Variants in FGF12 observed in about 807,000 individuals in gnomAD.
The protein encoded by FGF12 is fibroblast growth factor 12, also known as fibroblast growth factor 12B.
FGF12 carries 14 observed loss-of-function variants against 23.6 expected under a neutral mutation model. The observed-to-expected ratio is 0.59, with a 90% CI of 0.39 to 0.93. The LOEUF is 0.93. Among genes scored for constraint, FGF12 ranks in the 40% least tolerant of loss-of-function variants. The pLI, the probability that FGF12 is intolerant of heterozygous loss-of-function variation, is 0.00. For synonymous variants in FGF12, 62 were observed against 77.3 expected (o/e 0.80, Z 1.04); for missense variants, 175 against 217.8 (o/e 0.80, Z 1.24).
At position 192,678,562 on chromosome 3, in the gene FGF12, C is replaced by T. The variant is rs6801404; in HGVS notation, c.13+48619G>A. 4.6e-3 allele frequency among the ~76,000 whole-genome samples: 704 copies of T among 152,292 alleles called. 5 individuals are homozygous for T. Among genetic ancestry groups the T allele is most frequent in the African/African-American group, 0.016 (663 of 41,566 alleles). On this transcript the variant is annotated intron_variant, in intron 2 of 5. Coordinates refer to ENST00000445105, the MANE Select transcript of FGF12 (RefSeq NM_004113.6). ...CCACTCAACTTTCTCAGTTTCTCAT[C>T]GATGACAATTTTTGCCTGGTAGTTG...
At position 192,269,425 on chromosome 3, in the gene FGF12, G is replaced by A. The variant is rs543679653; in HGVS notation, c.228+65936C>T. 9.2e-5 allele frequency among the ~76,000 whole-genome samples: 14 copies of A among 152,280 alleles called. No individual in the cohort carries two copies. The South Asian group carries it at 2.9e-3, about 32-fold the overall frequency. On this transcript the variant is annotated intron_variant, in intron 4 of 5. Coordinates refer to ENST00000445105, the MANE Select transcript of FGF12 (RefSeq NM_004113.6). ...ATCGTATACACAGTACTGGTTAAAT[G>A]TGAACTCTGCAGACAGACTCTCTAC...
intron 2 of FGF12, among the ~76,000 whole-genome samples, chr3:192,701,790 C>T (rs1238807444): frequency 6.6e-6 from 1 of 152,114 alleles, no homozygotes; most frequent in African/African-American, 2.4e-5. Context: ...AAGTATACAA[C>T]ATGATGTTTT....
At position 192,399,282 on chromosome 3, in the gene FGF12, T is replaced by C. The variant is rs1576949515; in HGVS notation, c.14-38744A>G. Among the ~76,000 whole-genome samples, 3 of 152,248 alleles carry C rather than the reference T, an allele frequency of 2.0e-5. No homozygotes were observed. The Middle Eastern group carries it at 0.01, about 518-fold the overall frequency. ...TCCTCATGAATGGGATTAGTGGTCT[T>C]ACAAAAGAGACCCCAGGGAGCTCCC... On this transcript the variant is annotated intron_variant, in intron 2 of 5. Transcript: ENST00000445105.
At chr3:192,649,169 T>C (rs1329259582) in intron 2 of FGF12, among the ~76,000 whole-genome samples, 2 of 152,164 alleles carry the variant, frequency 1.3e-5, no homozygotes, top group Admixed American at 1.3e-4. Flanking sequence ...ACTGATAGTG[T>C]CCCAGACAGT....
intron 2 of FGF12, among the ~76,000 whole-genome samples, chr3:192,516,133 TGA>T (rs1724661655): frequency 1.6e-5 from 2 of 127,156 alleles, no homozygotes; most frequent in Admixed American, 7.1e-5. Flanking sequence ...ACACACCCCC[TGA>T]GAGTTAAGAA....
intron 2 of FGF12, among the ~76,000 whole-genome samples, chr3:192,511,047 G>T (rs537465607): frequency 6.6e-5 from 10 of 152,180 alleles, no homozygotes; most frequent in African/African-American, 2.2e-4. Context: ...CCACATCAAG[G>T]CCACTTGATG....
intron 3 of FGF12, among the ~76,000 whole-genome samples, chr3:192,352,083 A>C (rs1472540882): frequency 6.6e-6 from 1 of 151,888 alleles, no homozygotes. Flanking sequence ...ATTTGATCAT[A>C]TATCTGTCCA....
chr3:192,200,861 AGTAATAGGCTC>A (rs1717330984), intron 4 of FGF12, among the ~76,000 whole-genome samples: 1 of 152,148 alleles, frequency 6.6e-6, no homozygotes, highest in Non-Finnish European at 1.5e-5. Flanking sequence ...TCAGAAGATT[AGTAATAGGCTC>A]CCATTAGAAC....
At chr3:192,254,321 T>C (rs1712230851) in intron 4 of FGF12, among the ~76,000 whole-genome samples, 1 of 151,896 alleles carries the variant, frequency 6.6e-6, no homozygotes, top group South Asian at 2.1e-4. Context: ...GTCCTCTAGG[T>C]TCATTTATGG....
intron 2 of FGF12, among the ~76,000 whole-genome samples, chr3:192,545,848 G>A (rs1046461834): frequency 9.9e-5 from 15 of 152,090 alleles, no homozygotes; most frequent in African/African-American, 3.6e-4. Context: ...TGAGCTGTGG[G>A]CAAAGGACGT....
rs1402734301 is a variant in FGF12 at position 192,363,701 on chromosome 3, T to C, written c.14-3163A>G. Among the ~76,000 whole-genome samples the C allele has an allele frequency of 2.6e-5, 4 of 152,150 alleles. No individual in the cohort carries two copies. The East Asian group carries it at 7.7e-4, about 29-fold the overall frequency. On this transcript the variant is annotated intron_variant, in intron 2 of 5. Coordinates refer to ENST00000445105, the MANE Select transcript of FGF12 (RefSeq NM_004113.6). ...TTTCCAGGTTCAGCTCAACATCACCTTCTCCATGAAGACTCAGCTATCGTA... is the reference window on the plus strand; with the variant it reads ...TTTCCAGGTTCAGCTCAACATCACCCTCTCCATGAAGACTCAGCTATCGTA...
intron 2 of FGF12, among the ~76,000 whole-genome samples, chr3:192,548,402 A>G (rs1362415789): frequency 2.0e-5 from 3 of 152,214 alleles, no homozygotes; most frequent in Non-Finnish European, 4.4e-5. Flanking sequence ...TTCATTGTAC[A>G]AATGGAAAAA....
chr3:192,532,215 A>G (rs926599746), intron 2 of FGF12, among the ~76,000 whole-genome samples: 1 of 151,946 alleles, frequency 6.6e-6, no homozygotes, highest in Admixed American at 6.6e-5. Flanking sequence ...TTTGCTTAGT[A>G]TTGCTTTGGC....
intron 2 of FGF12, among the ~76,000 whole-genome samples, chr3:192,625,976 A>G (rs1694862665): frequency 6.6e-6 from 1 of 152,232 alleles, no homozygotes; most frequent in African/African-American, 2.4e-5. Context: ...TGATATTAGA[A>G]AGATGAGACA....
At chr3:192,481,622 C>G (rs1723481207) in intron 2 of FGF12, among the ~76,000 whole-genome samples, 1 of 152,192 alleles carries the variant, frequency 6.6e-6, no homozygotes, top group South Asian at 2.1e-4. Flanking sequence ...AGGCAGCCTC[C>G]TATCCATGGC....
intron 2 of FGF12, among the ~76,000 whole-genome samples, chr3:192,410,689 C>T (rs1721171863): frequency 6.6e-6 from 1 of 152,200 alleles, no homozygotes; most frequent in South Asian, 2.1e-4. Context: ...GTCTGGAAAG[C>T]TGCAAAGCAG....
At chr3:192,573,968 C>T (rs1712766553) in intron 2 of FGF12, among the ~76,000 whole-genome samples, 1 of 152,174 alleles carries the variant, frequency 6.6e-6, no homozygotes, top group Non-Finnish European at 1.5e-5. Context: ...CCTCTTTTAC[C>T]CTAAGGTGCC....
chr3:192,538,471 T>C (rs1725288040), intron 2 of FGF12, among the ~76,000 whole-genome samples: 1 of 152,202 alleles, frequency 6.6e-6, no homozygotes, highest in Non-Finnish European at 1.5e-5. Context: ...TCTGTTCCAT[T>C]GGTCTATTTG....
chr3:192,671,731 C>T (rs533376268), intron 2 of FGF12, among the ~76,000 whole-genome samples: 16 of 151,916 alleles, frequency 1.1e-4, no homozygotes, highest in Admixed American at 2.0e-4. Context: ...CTGAAGGCTG[C>T]GGTGAAGTGG....
Sources: gnomAD v4.1 joint callset for allele counts (sites outside exome capture counted in the v4.1 genomes callset) on GRCh38, gnomAD v4.1.1 for gene constraint, MANE v1.5 for transcripts, NCBI Gene and HGNC (gene_info 2026-07-23, HGNC 2026-07-21) for gene names.